The following ZER1 variants were observed in gnomAD, a reference collection of about 807,000 sequenced individuals.
ZER1 encodes the protein zyg-11 related cell cycle regulator, also known as protein zer-1 homolog.
In ZER1, 11 loss-of-function variants were observed where a neutral mutation model predicts 78.8. The ratio of observed to expected loss-of-function variants is 0.14; its 90% CI spans 0.09 to 0.23. The LOEUF (loss-of-function observed/expected upper bound fraction) is 0.23, where lower values mean the gene tolerates loss of function less well. ZER1 is among the 10% of genes least tolerant of loss of function. ZER1 has a pLI of 1.00. For synonymous variants in ZER1, 400 were observed against 407.0 expected, an observed-to-expected ratio of 0.98 and a Z score of 0.21; for missense variants, 588 against 996.9, an observed-to-expected ratio of 0.59 and a Z score of 5.52.
chr9:128,741,894 C>G, intron 9 of ZER1, 53 bp from the exon 10 acceptor site: 1 of 1,612,702 alleles, frequency 6.2e-7, no homozygotes, highest in South Asian at 1.1e-5. Flanking sequence ...GAACTCCCAC[C>G]CCCACGAACC....
chr9:128,753,698 T>G lies in ZER1; in HGVS notation c.310-98A>C. On this transcript the variant is annotated intron_variant, in intron 3 of 15. Transcript: ENST00000291900. The surrounding 1 kb of genome is among the most constrained non-coding windows in gnomAD (Gnocchi z 7.5). The stretch of plus-strand genomic sequence containing the variant: ...TACAGGTGGGTTGGAAAGGGGGATG[T>G]GCACAGTCACGGTGCACACTGGCTG... 1 of 1,561,820 alleles carries G rather than the reference T, an allele frequency of 6.4e-7. No homozygotes were observed. The highest frequency in any genetic ancestry group is 8.7e-7 in the Non-Finnish European group (1 of 1,154,264).
Position 128,752,380 on chromosome 9 carries a change from A to G in ZER1, c.923+293T>C, listed in dbSNP as rs145133531. Among the ~76,000 whole-genome samples the G allele has an allele frequency of 4.5e-3, 673 of 151,186 alleles. 5 individuals are homozygous for G. Among genetic ancestry groups the G allele is most frequent in the African/African-American group, 0.015 (628 of 41,086 alleles). ...CACTTTGTTGCCTAGGCTGGAGTGC[A>G]GTGGCGCGATCTCAGCTCACTGCAG... On this transcript the variant is annotated intron_variant, in intron 5 of 15. Coordinates refer to ENST00000291900, the MANE Select transcript of ZER1 (RefSeq NM_006336.4).
chr9:128,745,355 T>G (rs1305267352), intron 8 of ZER1, among the ~76,000 whole-genome samples: 1 of 151,480 alleles, frequency 6.6e-6, no homozygotes, highest in Non-Finnish European at 1.5e-5. Context: ...TCTGGCCAAT[T>G]AAAAAAAAAT....
At position 128,752,822 on chromosome 9, in the gene ZER1, G is replaced by A. The variant is rs1176544686; in HGVS notation, c.774C>T (p.Leu258=). 1.9e-6 allele frequency: 3 copies of A among 1,614,150 alleles called. No individual in the cohort carries two copies. Among genetic ancestry groups the A allele is most frequent in the East Asian group, 4.5e-5 (2 of 44,888 alleles). ...LRHLDISRDR[L]SSYYKFKLTR... ...TCAGCTTGAACTTGTAGTAGCTGGA[G>A]AGGCGGTCTCGGGAGATGTCCAGGT... The change falls in exon 5 of 16, where the codon CTC becomes CTT. Residue 258 remains leucine, a synonymous_variant. Transcript: ENST00000291900.
At chr9:128,763,985 C>CA (rs34299331) in intron 1 of ZER1, among the ~76,000 whole-genome samples, 6,671 of 132,714 alleles carry the variant, frequency 0.05, 172 homozygotes, top group African/African-American at 0.08. Context: ...AAAACTCCAT[C>CA]AAAAAAAAAA....
Position 128,740,904 on chromosome 9 carries a change from C to T in ZER1, c.1738-17G>A. 1 of 780,128 alleles carries T rather than the reference C, an allele frequency of 1.3e-6. No individual in the cohort carries two copies. The highest frequency in any genetic ancestry group is 2.4e-6 in the Non-Finnish European group (1 of 417,768). 48.3% of individuals were successfully genotyped at this position (780,128 alleles called of 1,614,324 possible). A position where few individuals can be genotyped will look rare whatever the true frequency, so the allele number is the denominator to read the frequency against. On this transcript the variant is annotated splice_polypyrimidine_tract_variant and intron_variant, in intron 11 of 15. Coordinates refer to ENST00000291900, the MANE Select transcript of ZER1 (RefSeq NM_006336.4). This position sits in a 1 kb window ranked among gnomAD's most constrained non-coding sequence, Gnocchi z 4.4. ...TGGGAATTCCTGGGAAAAGGAGAGCCAATGGGCCGCATCAATTAGTACTTA... is the reference window on the plus strand; with the variant it reads ...TGGGAATTCCTGGGAAAAGGAGAGCTAATGGGCCGCATCAATTAGTACTTA...
At position 128,754,079 on chromosome 9, in the gene ZER1, C is replaced by A; in HGVS notation, c.159-120G>T. On this transcript the variant is annotated intron_variant, in intron 2 of 15. Coordinates refer to ENST00000291900, the MANE Select transcript of ZER1 (RefSeq NM_006336.4). This position sits in a 1 kb window ranked among gnomAD's most constrained non-coding sequence, Gnocchi z 4.3. ...TCACCCCAAGTAGCAACCTCCTTCT[C>A]CTAAGAGTATCTGGTCAGATCCTGA... 1.6e-6 allele frequency: 2 copies of A among 1,264,736 alleles called. No individual in the cohort carries two copies. Among genetic ancestry groups the A allele is most frequent in the South Asian group, 1.5e-5 (1 of 66,544 alleles). The allele number at this position is 1,264,736 out of a possible 1,614,324, so 78.3% of individuals were successfully genotyped here.
intron 1 of ZER1, among the ~76,000 whole-genome samples, chr9:128,767,661 A>C (rs913133565): frequency 6.6e-6 from 1 of 152,174 alleles, no homozygotes; most frequent in Admixed American, 6.5e-5. Flanking sequence ...GTGACCCTAA[A>C]GTTCGAGCCC....
Position 128,751,325 on chromosome 9 carries a change from A to C in ZER1, c.1039-57T>G. ...CAGAGGCCAAGGGCTGGGATGCCAG[A>C]TCCCAGCTCAGTCTCCAGCCCCAGA... On this transcript the variant is annotated intron_variant, in intron 6 of 15. Coordinates refer to ENST00000291900, the MANE Select transcript of ZER1 (RefSeq NM_006336.4). This position sits in a 1 kb window ranked among gnomAD's most constrained non-coding sequence, Gnocchi z 5.4. 6.2e-7 allele frequency: 1 copy of C among 1,605,978 alleles called. No individual in the cohort carries two copies. The highest frequency in any genetic ancestry group is 8.5e-7 in the Non-Finnish European group (1 of 1,173,878).
chr9:128,753,620 C>T lies in ZER1; in HGVS notation c.310-20G>A, dbSNP rs1156298704. 3 of 1,608,786 alleles carry T rather than the reference C, an allele frequency of 1.9e-6. No homozygotes were observed. The highest frequency in any genetic ancestry group is 2.7e-5 in the African/African-American group (2 of 74,832). ...CAGGTCCTGGGAGTGGGCACAGCTC[C>T]ATCATCATCACCACCCTTGCCCCTT... is the stretch of plus-strand genomic sequence containing the variant. On this transcript the variant is annotated intron_variant, in intron 3 of 15. Coordinates refer to ENST00000291900, the MANE Select transcript of ZER1 (RefSeq NM_006336.4). The surrounding 1 kb of genome is among the most constrained non-coding windows in gnomAD (Gnocchi z 7.5).
chr9:128,734,144 A>AAAAAAAAATATATATAT, intron 14 of ZER1, among the ~76,000 whole-genome samples: 1 of 14,456 alleles, frequency 6.9e-5, no homozygotes, highest in African/African-American at 1.9e-4. Context: ...AAAAAAAAAA[A>AAAAAAAAATATATATAT]ATATATATAT....
rs922902364 is a variant in ZER1, at chr9:128,732,627, A to G, written c.2243+799T>C. Among the ~76,000 whole-genome samples the G allele has an allele frequency of 3.3e-5, 5 of 152,108 alleles. No individual in the cohort carries two copies. Among genetic ancestry groups the G allele is most frequent in the African/African-American group, 1.2e-4 (5 of 41,428 alleles). On this transcript the variant is annotated intron_variant, in intron 15 of 15. Coordinates refer to ENST00000291900, the MANE Select transcript of ZER1 (RefSeq NM_006336.4). The surrounding 1 kb of genome is among the most constrained non-coding windows in gnomAD (Gnocchi z 4.8). ...GTGATGCACCCACCTCAGCCTCCCA[A>G]AGTGCTAGGATTACAGGTGTGAGCC...
chr9:128,736,875 G>A (rs1863102312), intron 13 of ZER1, among the ~76,000 whole-genome samples: 1 of 151,926 alleles, frequency 6.6e-6, no homozygotes, highest in Admixed American at 6.6e-5. Flanking sequence ...CAGGTGCAAT[G>A]GCTCACACCT....
At chr9:128,738,660 C>T (rs140814206) in intron 13 of ZER1, among the ~76,000 whole-genome samples, 155 of 152,118 alleles carry the variant, frequency 1.0e-3, no homozygotes, top group African/African-American at 3.3e-3. Flanking sequence ...GCTGGGATTA[C>T]GGGTGTGAGC....
Position 128,740,097 on chromosome 9 carries a change from C to G in ZER1, c.1876G>C (p.Asp626His). ...VFSNLLESKA[D>H]GIEVSYNACG... The stretch of plus-strand genomic sequence containing the variant: ...GCATTGTAGGAAACCTCGATCCCAT[C>G]GGCCTTGCTCTCCAACAGGTTGCTG... The change falls in exon 13 of 16, where the codon GAT becomes CAT. Residue 626 changes from aspartate to histidine, a missense_variant. This residue lies in a region of ZER1 where 60 missense variants were observed against 163.3 expected (regional missense o/e 0.37). Transcript: ENST00000291900. The surrounding 1 kb of genome is among the most constrained non-coding windows in gnomAD (Gnocchi z 4.4). 6.2e-7 allele frequency: 1 copy of G among 1,606,022 alleles called. No individual in the cohort carries two copies. The highest frequency in any genetic ancestry group is 8.5e-7 in the Non-Finnish European group (1 of 1,173,422).
chr9:128,738,343 C>A (rs914383207), intron 13 of ZER1, among the ~76,000 whole-genome samples: 2 of 141,846 alleles, frequency 1.4e-5, no homozygotes, highest in African/African-American at 5.2e-5. Context: ...TGTGCCCGGC[C>A]CTGTTTTGTT....
Position 128,753,125 on chromosome 9 carries a change from C to T in ZER1, c.746+39G>A, listed in dbSNP as rs1264758739. On this transcript the variant is annotated intron_variant, in intron 4 of 15. Transcript: ENST00000291900. This position sits in a 1 kb window ranked among gnomAD's most constrained non-coding sequence, Gnocchi z 7.5. ...ACCTCTACTCCTCCCCACCTGCCCC[C>T]CAAACCCCACCCTGGTGAGCTCTGG... is the stretch of plus-strand genomic sequence containing the variant. 3.3e-6 allele frequency: 5 copies of T among 1,493,020 alleles called. No homozygotes were observed. The highest frequency in any genetic ancestry group is 4.5e-6 in the Non-Finnish European group (5 of 1,120,108). The allele number at this position is 1,493,020 out of a possible 1,614,324, so 92.5% of individuals were successfully genotyped here.
chr9:128,741,646 C>G lies in ZER1; in HGVS notation c.1626G>C (p.Gln542His). 6.2e-7 allele frequency: 1 copy of G among 1,614,162 alleles called. No individual in the cohort carries two copies. The highest frequency in any genetic ancestry group is 8.5e-7 in the Non-Finnish European group (1 of 1,180,026). ...QKKLLDKTCD[Q>H]VMEFSWSALW... ...GGGCACTCCAGGAGAACTCCATGAC[C>G]TGGTCACACTGTGAGGGCAGGGCAG... Residue 542 changes from glutamine (Q) to histidine (H), a missense_variant, in exon 11 of 16, where the codon CAG (glutamine) becomes CAC (histidine). Physicochemically the swap from Gln to His is conservative, Grantham distance 24. Coordinates refer to ENST00000291900, the MANE Select transcript of ZER1 (RefSeq NM_006336.4).
Position 128,759,374 on chromosome 9 carries a change from A to G in ZER1, c.-94-3715T>C, listed in dbSNP as rs1387316928. 4.8e-5 allele frequency among the ~76,000 whole-genome samples: 7 copies of G among 146,414 alleles called. No homozygotes were observed. In the East Asian group the frequency reaches 1.4e-3, roughly 29 times the overall value. On this transcript the variant is annotated intron_variant, in intron 1 of 15. Coordinates refer to ENST00000291900, the MANE Select transcript of ZER1 (RefSeq NM_006336.4). ...TTTTTTTTGGTAGAGATGGGGTTTC[A>G]TCATGTTGCTCAGGCTGGTCTCGAA... is the stretch of plus-strand genomic sequence containing the variant.
Sources: allele counts gnomAD v4.1 joint callset (sites outside exome capture counted in the v4.1 genomes callset), GRCh38; gene constraint gnomAD v4.1.1; regional missense constraint gnomAD v4.1.1; non-coding constraint Gnocchi (gnomAD v3.1); transcripts MANE v1.5; gene names NCBI Gene and HGNC (gene_info 2026-07-23, HGNC 2026-07-21).